The following GNAL variants were observed in gnomAD, a reference collection of about 807,000 sequenced individuals.
GNAL encodes the protein guanine nucleotide-binding protein G(olf) subunit alpha.
GNAL carries 18 observed loss-of-function variants against 55.1 expected under a neutral mutation model. The observed-to-expected ratio is 0.33, with a 90% CI of 0.23 to 0.48. The LOEUF (loss-of-function observed/expected upper bound fraction) is 0.48, where lower values mean the gene tolerates loss of function less well. Among genes scored for constraint, GNAL ranks in the 20% least tolerant of loss-of-function variants. The probability of loss-of-function intolerance (pLI) is 0.99; values close to 1 mark genes in which losing one functional copy is unlikely to be tolerated. For synonymous variants in GNAL, 253 were observed against 237.0 expected (o/e 1.07, Z -0.62); for missense variants, 412 against 614.1 (o/e 0.67, Z 3.48).
At chr18:11,877,067 A>T (rs2036548384) in intron 11 of GNAL, among the ~76,000 whole-genome samples, 1 of 152,234 alleles carries the variant, frequency 6.6e-6, no homozygotes, top group African/African-American at 2.4e-5. Context: ...GTAAAAATGG[A>T]TGTGCTCAAA....
At chr18:11,773,869 C>T (rs1358164424) in intron 4 of GNAL, among the ~76,000 whole-genome samples, 1 of 152,144 alleles carries the variant, frequency 6.6e-6, no homozygotes, top group South Asian at 2.1e-4. Flanking sequence ...AGTAAAAGTT[C>T]CTTAACATTA....
At chr18:11,706,518 CTCTT>C (rs755647633) in intron 1 of GNAL, among the ~76,000 whole-genome samples, 62 of 152,250 alleles carry the variant, frequency 4.1e-4, no homozygotes, top group Non-Finnish European at 6.6e-4. Context: ...CATCGGTTAA[CTCTT>C]TCTTTCATGA....
chr18:11,691,110 C>T (rs1321993206), intron 1 of GNAL, among the ~76,000 whole-genome samples: 13 of 150,878 alleles, frequency 8.6e-5, no homozygotes, highest in African/African-American at 3.0e-4. Context: ...TCCACATCCT[C>T]TCCAGCACCT....
chr18:11,853,671 TTTAAG>T (rs1455850379), intron 5 of GNAL: 1 of 167,048 alleles, frequency 6.0e-6, no homozygotes, highest in Admixed American at 6.5e-5. Flanking sequence ...GACCCTCATA[TTTAAG>T]TTATTTTATA....
At chr18:11,873,713 ACAT>A (rs1288471838) in intron 10 of GNAL, among the ~76,000 whole-genome samples, 1 of 152,228 alleles carries the variant, frequency 6.6e-6, no homozygotes, top group Non-Finnish European at 1.5e-5. Context: ...TGCCCATGGC[ACAT>A]CATCAGAGCA....
intron 1 of GNAL, among the ~76,000 whole-genome samples, chr18:11,696,506 A>T (rs1312876214): frequency 6.7e-6 from 1 of 148,292 alleles, no homozygotes; most frequent in African/African-American, 2.4e-5. Flanking sequence ...CTCCGCCTCA[A>T]AAAAAAAAAA....
At chr18:11,750,709 G>A (rs1358239241) in intron 1 of GNAL, among the ~76,000 whole-genome samples, 18 of 152,162 alleles carry the variant, frequency 1.2e-4, no homozygotes, top group Admixed American at 1.2e-3. Flanking sequence ...CAGGTACTGA[G>A]GTGGGAGCAG....
chr18:11,767,539 A>C (rs2033449653), intron 4 of GNAL, among the ~76,000 whole-genome samples: 1 of 149,212 alleles, frequency 6.7e-6, no homozygotes, highest in Non-Finnish European at 1.5e-5. Flanking sequence ...GTACTCTGTG[A>C]GCCCTTGTGC....
At chr18:11,695,918 G>A (rs1009594909) in intron 1 of GNAL, among the ~76,000 whole-genome samples, 2 of 147,582 alleles carry the variant, frequency 1.4e-5, no homozygotes, top group East Asian at 2.0e-4. Context: ...ATGCATGCAC[G>A]CATGCACACA....
chr18:11,704,714 C>T (rs1598403238), intron 1 of GNAL, among the ~76,000 whole-genome samples: 1 of 152,296 alleles, frequency 6.6e-6, no homozygotes, highest in East Asian at 1.9e-4. Flanking sequence ...AAAGCTTGCT[C>T]ATACCCAGAA....
chr18:11,819,563 A>G (rs900711316), intron 4 of GNAL, among the ~76,000 whole-genome samples: 1 of 152,178 alleles, frequency 6.6e-6, no homozygotes, highest in African/African-American at 2.4e-5. Flanking sequence ...AATGAAGATC[A>G]CATGGCAATT....
chr18:11,829,726 G>A (rs2035333756), intron 5 of GNAL, among the ~76,000 whole-genome samples: 1 of 152,134 alleles, frequency 6.6e-6, no homozygotes. Flanking sequence ...TCAGCGCTCA[G>A]TCAACGGGCG....
intron 1 of GNAL, among the ~76,000 whole-genome samples, chr18:11,708,422 G>A (rs146746016): frequency 2.0e-5 from 3 of 152,214 alleles, no homozygotes; most frequent in East Asian, 1.9e-4. Flanking sequence ...TCTTATATGG[G>A]TGCTATACGT....
intron 1 of GNAL, among the ~76,000 whole-genome samples, chr18:11,704,150 A>T (rs2031648745): frequency 6.7e-6 from 1 of 150,372 alleles, no homozygotes; most frequent in East Asian, 1.9e-4. Flanking sequence ...GAGCCTGAAC[A>T]TCATGGGTCC....
chr18:11,753,778 C>T (rs902622873), intron 3 of GNAL, 48 bp from the exon 4 acceptor site: 4 of 1,525,810 alleles, frequency 2.6e-6, no homozygotes, highest in Non-Finnish European at 3.6e-6. Flanking sequence ...GATTATCATA[C>T]ATGGAGCCTA....
chr18:11,825,097 A>C (rs1374420892), intron 5 of GNAL, 82 bp downstream of exon 5: 1 of 771,262 alleles, frequency 1.3e-6, no homozygotes, highest in Non-Finnish European at 2.2e-6. Context: ...TCAGTACTGA[A>C]GTTTCTTGAG....
intron 4 of GNAL, among the ~76,000 whole-genome samples, chr18:11,813,079 C>T (rs1436699782): frequency 6.6e-6 from 1 of 151,748 alleles, no homozygotes; most frequent in Non-Finnish European, 1.5e-5. Flanking sequence ...CATGCTGAAA[C>T]CCCATCTCTA....
chr18:11,786,487 C>T (rs1434139852), intron 4 of GNAL, among the ~76,000 whole-genome samples: 2 of 105,584 alleles, frequency 1.9e-5, no homozygotes, highest in African/African-American at 7.3e-5. Context: ...CTTGCTCTGT[C>T]GCCCAGGCTG....
At chr18:11,765,715 C>G (rs746754458) in intron 4 of GNAL, among the ~76,000 whole-genome samples, 1 of 152,182 alleles carries the variant, frequency 6.6e-6, no homozygotes, top group Non-Finnish European at 1.5e-5. Context: ...TCGTTCTATC[C>G]ATGTTGCTGC....
Sources: gnomAD v4.1 joint callset for allele counts (sites outside exome capture counted in the v4.1 genomes callset) on GRCh38, gnomAD v4.1.1 for gene constraint, MANE v1.5 for transcripts, NCBI Gene and HGNC (gene_info 2026-07-23, HGNC 2026-07-21) for gene names.